The following HEY2 variants were observed in gnomAD, a reference collection of about 807,000 sequenced individuals.
HEY2 encodes the protein hairy/enhancer-of-split related with YRPW motif protein 2.
Under a neutral mutation model 18.1 loss-of-function variants are expected in HEY2, and 10 were observed. That is an observed-to-expected ratio of 0.55 (90% CI 0.34 to 0.94). The LOEUF is 0.94. Among genes scored for constraint, HEY2 ranks in the 40% least tolerant of loss-of-function variants. The pLI is 0.02. For synonymous variants in HEY2, 210 were observed against 182.7 expected, an observed-to-expected ratio of 1.15 and a Z score of -1.21; for missense variants, 455 against 455.9, an observed-to-expected ratio of 1.00 and a Z score of 0.02.
At chr6:125,751,183 C>T (rs3799714) in intron 1 of HEY2, among the ~76,000 whole-genome samples, 1,972 of 152,252 alleles carry the variant, frequency 0.013, 28 homozygotes, top group East Asian at 0.041. Context: ...TTTTAATTTT[C>T]CTATCAGTGG....
rs1773752924 is a variant in HEY2, at chr6:125,759,685, G to C, written c.897G>C (p.Ala299=). 6.2e-7 allele frequency: 1 copy of C among 1,612,628 alleles called. No individual in the cohort carries two copies. The highest frequency in any genetic ancestry group is 8.5e-7 in the Non-Finnish European group (1 of 1,180,002). ...CAAACGCAGCAGCAGCAGTGGCCGC[G>C]GCCACAGCCATCAGCCCGCCCTTGT... is the stretch of plus-strand genomic sequence containing the variant. ...LPPNAAAAVA[A]ATAISPPLSV... The change falls in exon 5 of 5, where the codon GCG becomes GCC. Residue 299 remains alanine, a synonymous_variant. Transcript: ENST00000368364.
rs765386902 is a variant in HEY2 at position 125,749,774 on chromosome 6, G to C, written c.-3G>C. 3 of 1,568,800 alleles carry C rather than the reference G, an allele frequency of 1.9e-6. No individual in the cohort carries two copies. Among genetic ancestry groups the C allele is most frequent in the Admixed American group, 1.9e-5 (1 of 53,994 alleles). On this transcript the variant is annotated 5_prime_UTR_variant, in exon 1 of 5. Transcript: ENST00000368364. Reference sequence around the variant, plus strand: ...GGCTGTGCCCCGCGCGGTCTTCGCCGGGATGAAGCGCCCCTGCGAGGAGAC... The same window carrying C: ...GGCTGTGCCCCGCGCGGTCTTCGCCCGGATGAAGCGCCCCTGCGAGGAGAC...
Position 125,761,074 on chromosome 6 carries a change from A to T in HEY2, c.*1272A>T, listed in dbSNP as rs1440720281. On this transcript the variant is annotated 3_prime_UTR_variant, in exon 5 of 5. Transcript: ENST00000368364. ...TTGTTTAAAAGATAAGAGACACAGC[A>T]TGTATTATGCACTTCATTTCTCTAC... The T allele has an allele frequency of 1.3e-5, 2 of 152,670 alleles. No homozygotes were observed. Among genetic ancestry groups the T allele is most frequent in the African/African-American group, 2.4e-5 (1 of 41,466 alleles). 9.5% of individuals were successfully genotyped at this position (152,670 alleles called of 1,614,324 possible).
chr6:125,756,380 C>G (rs1399306510), intron 4 of HEY2, among the ~76,000 whole-genome samples: 3 of 151,992 alleles, frequency 2.0e-5, no homozygotes, highest in Non-Finnish European at 4.4e-5. Context: ...CCAGCCTGAC[C>G]AACATGGAGA....
rs553649524 is a variant in HEY2 at position 125,754,675 on chromosome 6, G to T, written c.328+129G>T. The T allele has an allele frequency of 1.1e-5, 5 of 458,500 alleles. No individual in the cohort carries two copies. The Middle Eastern group carries it at 1.7e-3, about 155-fold the overall frequency. 28.4% of individuals were successfully genotyped at this position (458,500 alleles called of 1,614,324 possible). A position where few individuals can be genotyped will look rare whatever the true frequency, so the allele number is the denominator to read the frequency against. On this transcript the variant is annotated intron_variant, in intron 4 of 4. Transcript: ENST00000368364. ...TAACAAGCTGAGATAGGAGGCCCCA[G>T]ATTAAAGCCATGGAAATCAATGCTA...
Position 125,760,029 on chromosome 6 carries a change from G to GA in HEY2, c.*231dup. On this transcript the variant is annotated 3_prime_UTR_variant, in exon 5 of 5. Transcript: ENST00000368364. ...TCGGTAACTGACATCAGCAACTTTT[G>GA]AAAACTTCACACTTGTTACCATTTA... The GA allele has an allele frequency of 1.8e-5, 10 of 568,278 alleles. No individual in the cohort carries two copies. Among genetic ancestry groups the GA allele is most frequent in the Non-Finnish European group, 3.1e-5 (10 of 321,544 alleles). The allele number at this position is 568,278 out of a possible 1,614,324, so 35.2% of individuals were successfully genotyped here. A position where few individuals can be genotyped will look rare whatever the true frequency, so the allele number is the denominator to read the frequency against.
Position 125,759,383 on chromosome 6 carries a change from C to T in HEY2, c.595C>T (p.Pro199Ser). 1 of 1,608,144 alleles carries T rather than the reference C, an allele frequency of 6.2e-7. No individual in the cohort carries two copies. Among genetic ancestry groups the T allele is most frequent in the Non-Finnish European group, 8.5e-7 (1 of 1,177,996 alleles). ...FHHLPAALLQ[P>S]NGLHASESTP... ...CCACCTGCCCGCAGCCCTGCTCCAG[C>T]CCAACGGCCTCCATGCCTCAGAGTC... is the stretch of plus-strand genomic sequence containing the variant. The change falls in exon 5 of 5, where the codon CCC (proline) becomes TCC (serine). Residue 199 changes from proline (P) to serine (S), a missense_variant. Transcript: ENST00000368364.
chr6:125,752,054 G>C lies in HEY2; in HGVS notation c.210G>C (p.Glu70Asp). Residue 70 changes from glutamate (E) to aspartate (D), a missense_variant, in exon 3 of 5, where the codon GAG becomes GAC. Glu to Asp is a conservative substitution (Grantham distance 45). Transcript: ENST00000368364. ...RRDRINNSLS[E>D]LRRLVPTAFE... ...ATCGGATAAATAACAGTTTATCTGA[G>C]TTGAGAAGACTTGTGCCAACTGCTT... 6.2e-7 allele frequency: 1 copy of C among 1,613,928 alleles called. No homozygotes were observed. The highest frequency in any genetic ancestry group is 1.7e-5 in the Admixed American group (1 of 60,012).
chr6:125,750,203 G>A, intron 1 of HEY2: 1 of 973,378 alleles, frequency 1.0e-6, no homozygotes, highest in Non-Finnish European at 1.2e-6. Context: ...CCGTATTTGG[G>A]GGCACTTTCA....
rs754930506 is a variant in HEY2, at chr6:125,759,509, C to A, written c.721C>A (p.Pro241Thr). 4 of 1,611,298 alleles carry A rather than the reference C, an allele frequency of 2.5e-6. No homozygotes were observed. Among genetic ancestry groups the A allele is most frequent in the Non-Finnish European group, 3.4e-6 (4 of 1,179,982 alleles). ...CCATGCGGATTCAGCCCTCCGAATG[C>A]CATCCACGGGCAGCGTCGCCCCCTG... ...FAHADSALRM[P>T]STGSVAPCVP... The change falls in exon 5 of 5, where the codon CCA becomes ACA. Residue 241 changes from proline to threonine, a missense_variant. By Grantham distance (38) the Pro-to-Thr change is conservative. Coordinates refer to ENST00000368364, the MANE Select transcript of HEY2 (RefSeq NM_012259.3).
In HEY2 at chr6:125,760,903, T is replaced by G. The variant is rs778246120; in HGVS notation, c.*1101T>G. On this transcript the variant is annotated 3_prime_UTR_variant, in exon 5 of 5. Coordinates refer to ENST00000368364, the MANE Select transcript of HEY2 (RefSeq NM_012259.3). ...GATTGCATTTGATCCCAAAACAAGA[T>G]GAATGTATGCAATGGGATGTACATA... 1 of 152,628 alleles carries G rather than the reference T, an allele frequency of 6.6e-6. No individual in the cohort carries two copies. Among genetic ancestry groups the G allele is most frequent in the African/African-American group, 2.4e-5 (1 of 41,450 alleles). The allele number at this position is 152,628 out of a possible 1,614,324, so 9.5% of individuals were successfully genotyped here. A position where few individuals can be genotyped will look rare whatever the true frequency, so the allele number is the denominator to read the frequency against.
chr6:125,752,096 C>T lies in HEY2; in HGVS notation c.246+6C>T. On this transcript the variant is annotated splice_donor_region_variant and intron_variant, in intron 3 of 4. Coordinates refer to ENST00000368364, the MANE Select transcript of HEY2 (RefSeq NM_012259.3). ...CAACTGCTTTTGAAAAACAAGTAAGCTATCCCCTCCCCAGAATCCCCCCAC... is the reference window on the plus strand; with the variant it reads ...CAACTGCTTTTGAAAAACAAGTAAGTTATCCCCTCCCCAGAATCCCCCCAC... The T allele has an allele frequency of 6.3e-7, 1 of 1,597,558 alleles. No individual in the cohort carries two copies. Among genetic ancestry groups the T allele is most frequent in the Non-Finnish European group, 8.6e-7 (1 of 1,166,298 alleles).
At chr6:125,756,542 G>C (rs994791947) in intron 4 of HEY2, among the ~76,000 whole-genome samples, 39 of 151,860 alleles carry the variant, frequency 2.6e-4, no homozygotes, top group African/African-American at 9.2e-4. Context: ...ACTCCAGCCT[G>C]GGCAATAAGA....
intron 4 of HEY2, among the ~76,000 whole-genome samples, chr6:125,757,476 C>T (rs918664726): frequency 6.6e-6 from 1 of 152,074 alleles, no homozygotes; most frequent in South Asian, 2.1e-4. Flanking sequence ...ATATATTTGC[C>T]ACAAATATCT....
rs146693390 is a variant in HEY2, at chr6:125,759,664, C to T, written c.876C>T (p.Asn292=). ...FAGAFPMLPP[N]AAAAVAAATA... is the part of the protein sequence containing the mutation. ...GGGCATTCCCCATGCTTCCCCCAAACGCAGCAGCAGCAGTGGCCGCGGCCA... is the reference window on the plus strand; with the variant it reads ...GGGCATTCCCCATGCTTCCCCCAAATGCAGCAGCAGCAGTGGCCGCGGCCA... Residue 292 remains asparagine (N), a synonymous_variant, in exon 5 of 5, where the codon AAC becomes AAT. Coordinates refer to ENST00000368364, the MANE Select transcript of HEY2 (RefSeq NM_012259.3). 5.3e-5 allele frequency: 86 copies of T among 1,611,886 alleles called. No individual in the cohort carries two copies. Among genetic ancestry groups the T allele is most frequent in the Non-Finnish European group, 6.9e-5 (82 of 1,179,968 alleles).
chr6:125,752,025 C>T lies in HEY2; in HGVS notation c.181C>T (p.Arg61Trp), dbSNP rs752507444. 2.5e-6 allele frequency: 4 copies of T among 1,613,428 alleles called. No homozygotes were observed. Among genetic ancestry groups the T allele is most frequent in the South Asian group, 1.1e-5 (1 of 91,058 alleles). ...TGGATAGATTATAGAGAAAAGGCGT[C>T]GGGATCGGATAAATAACAGTTTATC... ...KRRGIIEKRR[R>W]DRINNSLSEL... is the part of the protein sequence containing the mutation. Residue 61 changes from arginine to tryptophan, a missense_variant, in exon 3 of 5, where the codon CGG becomes TGG. Transcript: ENST00000368364.
chr6:125,754,471 G>T lies in HEY2; in HGVS notation c.253G>T (p.Ala85Ser). ...VPTAFEKQGS[A>S]KLEKAEILQM... ...TATTTATTTATTTATGAAGGGATCT[G>T]CAAAGTTAGAAAAAGCTGAAATATT... is the stretch of plus-strand genomic sequence containing the variant. Residue 85 changes from alanine to serine, a missense_variant, in exon 4 of 5, where the codon GCA (alanine) becomes TCA (serine). Physicochemically the swap from Ala to Ser is moderately conservative, Grantham distance 99 (BLOSUM62 1). Transcript: ENST00000368364. The T allele has an allele frequency of 6.4e-7, 1 of 1,573,462 alleles. No homozygotes were observed. The highest frequency in any genetic ancestry group is 8.7e-7 in the Non-Finnish European group (1 of 1,152,482).
intron 3 of HEY2, among the ~76,000 whole-genome samples, chr6:125,752,355 C>T (rs542174585): frequency 1.5e-4 from 23 of 148,906 alleles, no homozygotes; most frequent in African/African-American, 5.7e-4. Context: ...TAACAGTGTT[C>T]ATGCTTTCTC....
chr6:125,754,958 TCTC>T (rs1773627290), intron 4 of HEY2, among the ~76,000 whole-genome samples: 2 of 152,178 alleles, frequency 1.3e-5, no homozygotes, highest in African/African-American at 2.4e-5. Flanking sequence ...TCCTACTCCT[TCTC>T]CTCCTCTGTC....
Sources: allele counts gnomAD v4.1 joint callset (sites outside exome capture counted in the v4.1 genomes callset), GRCh38; gene constraint gnomAD v4.1.1; transcripts MANE v1.5; gene names NCBI Gene and HGNC (gene_info 2026-07-23, HGNC 2026-07-21).